The following WAC variants were observed in gnomAD, a reference collection of about 807,000 sequenced individuals.
WAC encodes WW domain-containing adapter protein with coiled-coil.
WAC carries 11 observed loss-of-function variants against 79.6 expected under a neutral mutation model. The ratio of observed to expected loss-of-function variants is 0.14; its 90% CI spans 0.09 to 0.23. The LOEUF (loss-of-function observed/expected upper bound fraction) is 0.23. Ranked by LOEUF, WAC falls within the 10% of genes least tolerant of loss-of-function variation. The probability of loss-of-function intolerance (pLI) is 1.00; values close to 1 mark genes in which losing one functional copy is unlikely to be tolerated. For synonymous variants in WAC, 304 were observed against 276.9 expected, an observed-to-expected ratio of 1.10 and a Z score of -0.97; for missense variants, 728 against 773.5, an observed-to-expected ratio of 0.94 and a Z score of 0.70.
intron 7 of WAC, among the ~76,000 whole-genome samples, chr10:28,605,156 G>A (rs992746839): frequency 2.6e-5 from 4 of 152,162 alleles, no homozygotes; most frequent in African/African-American, 7.2e-5. Context: ...GTCCCTGATC[G>A]TATCTTTATT....
chr10:28,560,123 C>T (rs1191402462), intron 3 of WAC, among the ~76,000 whole-genome samples: 2 of 152,226 alleles, frequency 1.3e-5, no homozygotes, highest in East Asian at 3.9e-4. Flanking sequence ...GGGAGGATTG[C>T]TTGAGCCCAG....
rs1261269897 is a variant in WAC, at chr10:28,622,919, TTTC to T, written c.*3316_*3318del. On this transcript the variant is annotated 3_prime_UTR_variant, in exon 14 of 14. Coordinates refer to ENST00000354911, the MANE Select transcript of WAC (RefSeq NM_016628.5). Reference sequence around the variant, plus strand: ...TAGATGTTGGGTTTGAATATACAGATTTCTTTTCAATACCTGTAAATATGGCTA... The same window carrying T: ...TAGATGTTGGGTTTGAATATACAGATTTTTCAATACCTGTAAATATGGCTA... 6.6e-6 allele frequency: 1 copy of T among 152,202 alleles called. No individual in the cohort carries two copies. Among genetic ancestry groups the T allele is most frequent in the African/African-American group, 2.4e-5 (1 of 41,464 alleles). 9.4% of individuals were successfully genotyped at this position (152,202 alleles called of 1,614,324 possible).
intron 3 of WAC, among the ~76,000 whole-genome samples, chr10:28,582,125 T>C (rs1019131469): frequency 6.6e-6 from 1 of 152,220 alleles, no homozygotes; most frequent in Non-Finnish European, 1.5e-5. Flanking sequence ...GCATGTAGTT[T>C]CCATTATAAG....
Position 28,589,784 on chromosome 10 carries a change from A to G in WAC, c.430A>G (p.Lys144Glu). The G allele has an allele frequency of 6.2e-7, 1 of 1,613,568 alleles. No individual in the cohort carries two copies. The highest frequency in any genetic ancestry group is 8.5e-7 in the Non-Finnish European group (1 of 1,179,634). Residue 144 changes from lysine (K) to glutamate (E), a missense_variant, in exon 5 of 14, where the codon AAA becomes GAA. This residue lies in a region of WAC where 648 missense variants were observed against 661.5 expected (regional missense o/e 0.98). Transcript: ENST00000354911. ...DWSEHISSSG[K>E]KYYYNCRTEV... is the part of the protein sequence containing the mutation. ...GTCTGAGCATATTAGCTCTTCTGGGAAAAAGTACTACTACAATTGTCGAAC... is the reference window on the plus strand; with the variant it reads ...GTCTGAGCATATTAGCTCTTCTGGGGAAAAGTACTACTACAATTGTCGAAC...
In WAC at chr10:28,622,982, C is replaced by T. The variant is rs1033329682; in HGVS notation, c.*3376C>T. 6.6e-6 allele frequency: 1 copy of T among 152,244 alleles called. No homozygotes were observed. Among genetic ancestry groups the T allele is most frequent in the Non-Finnish European group, 1.5e-5 (1 of 68,024 alleles). 9.4% of individuals were successfully genotyped at this position (152,244 alleles called of 1,614,324 possible). On this transcript the variant is annotated 3_prime_UTR_variant, in exon 14 of 14. Transcript: ENST00000354911. ...ATTTGTACGGGAGTGTACAAAATGACACTGAAAAGTAATAAATATGTTTTG... is the reference window on the plus strand; with the variant it reads ...ATTTGTACGGGAGTGTACAAAATGATACTGAAAAGTAATAAATATGTTTTG...
Position 28,583,463 on chromosome 10 carries a change from T to C in WAC, c.339T>C (p.His113=), listed in dbSNP as rs993000069. The C allele has an allele frequency of 1.9e-6, 3 of 1,599,926 alleles. No individual in the cohort carries two copies. In the African/African-American group the frequency reaches 4.1e-5, roughly 22 times the overall value. ...GTGCTCTTCATAGTTCAAATTCACA[T>C]TCTTCTAATCCAAGCAATAACCCAA... ...NHSALHSSNS[H]SSNPSNNPSK... Residue 113 remains histidine (H), a synonymous_variant, in exon 4 of 14, where the codon CAT becomes CAC. Transcript: ENST00000354911.
At chr10:28,556,939 T>A (rs1004741915) in intron 3 of WAC, among the ~76,000 whole-genome samples, 1 of 152,180 alleles carries the variant, frequency 6.6e-6, no homozygotes, top group Admixed American at 6.5e-5. Context: ...AGAACCATAC[T>A]TTTTTTATTA....
chr10:28,600,238 T>C (rs1402928766), intron 7 of WAC, among the ~76,000 whole-genome samples: 2 of 152,056 alleles, frequency 1.3e-5, no homozygotes, highest in African/African-American at 4.8e-5. Context: ...ACTCACATGC[T>C]GGTGCCATAT....
Position 28,584,777 on chromosome 10 carries a change from A to G in WAC, c.381+1272A>G, listed in dbSNP as rs75431063. Among the ~76,000 whole-genome samples the G allele has an allele frequency of 1.9e-3, 295 of 152,342 alleles. 2 individuals carry two copies. The highest frequency in any genetic ancestry group is 6.7e-3 in the African/African-American group (279 of 41,574). On this transcript the variant is annotated intron_variant, in intron 4 of 13. Transcript: ENST00000354911. ...GGATAATATTTGGATAAAAATAGATAGTATTAGTGTCCATTTAGAAAATTA... is the reference window on the plus strand; with the variant it reads ...GGATAATATTTGGATAAAAATAGATGGTATTAGTGTCCATTTAGAAAATTA...
At chr10:28,555,154 C>T (rs1207504378) in intron 3 of WAC, among the ~76,000 whole-genome samples, 1 of 152,118 alleles carries the variant, frequency 6.6e-6, no homozygotes, top group Non-Finnish European at 1.5e-5. Flanking sequence ...TTCTGCTTTC[C>T]AACCTTCTAC....
chr10:28,619,662 AT>A lies in WAC; in HGVS notation c.*57del. 1 of 1,444,872 alleles carries A rather than the reference AT, an allele frequency of 6.9e-7. No homozygotes were observed. 89.5% of individuals were successfully genotyped at this position (1,444,872 alleles called of 1,614,324 possible). A position where few individuals can be genotyped will look rare whatever the true frequency, so the allele number is the denominator to read the frequency against. On this transcript the variant is annotated 3_prime_UTR_variant, in exon 14 of 14. Coordinates refer to ENST00000354911, the MANE Select transcript of WAC (RefSeq NM_016628.5). The stretch of plus-strand genomic sequence containing the variant: ...ACAGGAACTGTAAATCTGTTGCCCA[AT>A]CTTAACATTTTTGAGCTGCATTTAA...
At chr10:28,575,410 T>C (rs1839191644) in intron 3 of WAC, among the ~76,000 whole-genome samples, 1 of 152,238 alleles carries the variant, frequency 6.6e-6, no homozygotes, top group Non-Finnish European at 1.5e-5. Flanking sequence ...CCAGACTGTT[T>C]GCCAAAGCAG....
intron 7 of WAC, among the ~76,000 whole-genome samples, chr10:28,599,573 A>G (rs1219663148): frequency 6.6e-6 from 1 of 152,204 alleles, no homozygotes; most frequent in Non-Finnish European, 1.5e-5. Context: ...TGCACTGGTC[A>G]TGGTTTTTAA....
rs779790262 is a variant in WAC, at chr10:28,533,552, C to T, written c.-28C>T. 3 of 1,455,268 alleles carry T rather than the reference C, an allele frequency of 2.1e-6. No individual in the cohort carries two copies. The highest frequency in any genetic ancestry group is 2.8e-6 in the Non-Finnish European group (3 of 1,089,508). 90.1% of individuals were successfully genotyped at this position (1,455,268 alleles called of 1,614,324 possible). A position where few individuals can be genotyped will look rare whatever the true frequency, so the allele number is the denominator to read the frequency against. The stretch of plus-strand genomic sequence containing the variant: ...CTTTCGCGGCCGCTCTCCCCCCTCC[C>T]CGACACACACTCACAGGCCGGGCAT... On this transcript the variant is annotated 5_prime_UTR_variant, in exon 1 of 14. Coordinates refer to ENST00000354911, the MANE Select transcript of WAC (RefSeq NM_016628.5).
chr10:28,617,867 A>G, intron 13 of WAC, 83 bp downstream of exon 13: 1 of 1,421,818 alleles, frequency 7.0e-7, no homozygotes, highest in Non-Finnish European at 9.3e-7. Context: ...ATCACATTTT[A>G]TTTATGAAAT....
At position 28,617,680 on chromosome 10, in the gene WAC, G is replaced by A. The variant is rs143245976; in HGVS notation, c.1770G>A (p.Ala590=). The change falls in exon 13 of 14, where the codon GCG becomes GCA. Residue 590 remains alanine (A), a synonymous_variant. Transcript: ENST00000354911. ...AGGCATCAAGATTACGCGAAGAAGC[G>A]CATAACATGGGAACTATTCACATGT... is the stretch of plus-strand genomic sequence containing the variant. ...EKQASRLREE[A]HNMGTIHMSE... is the part of the protein sequence containing the mutation. 1.6e-5 allele frequency: 26 copies of A among 1,579,470 alleles called. No individual in the cohort carries two copies. In the African/African-American group the frequency reaches 2.0e-4, roughly 12 times the overall value.
At chr10:28,600,331 A>G (rs1181901300) in intron 7 of WAC, among the ~76,000 whole-genome samples, 3 of 152,132 alleles carry the variant, frequency 2.0e-5, no homozygotes, top group Non-Finnish European at 4.4e-5. Flanking sequence ...TTTTTATGCT[A>G]TCTGTAGACT....
intron 7 of WAC, among the ~76,000 whole-genome samples, chr10:28,606,545 T>G (rs1042290952): frequency 7.6e-5 from 11 of 144,448 alleles, no homozygotes; most frequent in African/African-American, 2.8e-4. Context: ...GAAATGTACT[T>G]AAATCAGCTG....
chr10:28,548,644 A>T (rs1211657946), intron 3 of WAC, among the ~76,000 whole-genome samples: 5 of 152,098 alleles, frequency 3.3e-5, no homozygotes, highest in Non-Finnish European at 5.9e-5. Flanking sequence ...TTCATGTTAA[A>T]TATATGTTTT....
Sources: gnomAD v4.1 joint callset for allele counts (sites outside exome capture counted in the v4.1 genomes callset) on GRCh38, gnomAD v4.1.1 for gene constraint, gnomAD v4.1.1 regional missense constraint, MANE v1.5 for transcripts, NCBI Gene and HGNC (gene_info 2026-07-23, HGNC 2026-07-21) for gene names.